The following SLC12A3 variants were observed in gnomAD, a reference collection of about 807,000 sequenced individuals.
SLC12A3 encodes the protein solute carrier family 12 member 3, also known as Na-Cl cotransporter.
Under a neutral mutation model 121.0 loss-of-function variants are expected in SLC12A3, and 104 were observed. The ratio of observed to expected loss-of-function variants is 0.86; its 90% CI spans 0.73 to 1.01. The LOEUF (loss-of-function observed/expected upper bound fraction) is 1.01. SLC12A3 is among the 50% of genes least tolerant of loss of function. The pLI, the probability that SLC12A3 is intolerant of heterozygous loss-of-function variation, is 0.00. For missense variants in SLC12A3, 1,328 were observed against 1,356.3 expected (o/e 0.98, Z 0.33); for synonymous variants, 536 against 533.4 (o/e 1.00, Z -0.07).
intron 16 of SLC12A3, 134 bp downstream of exon 16, chr16:56,886,609 T>G: frequency 1.2e-6 from 1 of 807,186 alleles, no homozygotes; most frequent in Non-Finnish European, 2.0e-6. Flanking sequence ...ACACAGCTCC[T>G]GGGGGAGTCG....
chr16:56,885,125 T>C (rs539194901), intron 14 of SLC12A3, 140 bp from the exon 15 acceptor site: 2 of 699,254 alleles, frequency 2.9e-6, no homozygotes, highest in South Asian at 3.0e-5. Context: ...CCTTGCAGGC[T>C]GCCCATCCCA....
At position 56,867,050 on chromosome 16, in the gene SLC12A3, T is replaced by C. The variant is rs534209103; in HGVS notation, c.283-20T>C. The C allele has an allele frequency of 1.2e-6, 2 of 1,609,808 alleles. No homozygotes were observed. The highest frequency in any genetic ancestry group is 3.3e-5 in the Admixed American group (2 of 60,016). On this transcript the variant is annotated intron_variant, in intron 1 of 25. Coordinates refer to ENST00000563236, the MANE Select transcript of SLC12A3 (RefSeq NM_001126108.2). ...CCCTAGCACCCCTACCTGCCTGACT[T>C]GTGGTCTCTGGGCTGCCAGCAGGAA...
chr16:56,866,976 G>C, intron 1 of SLC12A3, 94 bp from the exon 2 acceptor site: 1 of 1,547,684 alleles, frequency 6.5e-7, no homozygotes, highest in Non-Finnish European at 8.8e-7. Flanking sequence ...GGGGTGCTCG[G>C]TATGGGGCGC....
intron 24 of SLC12A3, among the ~76,000 whole-genome samples, chr16:56,903,639 T>A (rs1567447511): frequency 6.6e-6 from 1 of 152,150 alleles, no homozygotes; most frequent in Non-Finnish European, 1.5e-5. Context: ...TCCCTTCCCC[T>A]CGGTCTCTTG....
rs566155309 is a variant in SLC12A3, at chr16:56,884,453, C to G, written c.1825+249C>G. On this transcript the variant is annotated intron_variant, in intron 14 of 25. Transcript: ENST00000563236. ...CCCTGGAATCCCCTGTCCGAAGGAC[C>G]CTGAGTGAGCTTCCAGGGCCTGCTT... Among the ~76,000 whole-genome samples the G allele has an allele frequency of 5.3e-5, 8 of 152,336 alleles. No individual in the cohort carries two copies. The South Asian group carries it at 1.4e-3, about 28-fold the overall frequency.
At chr16:56,888,709 C>T (rs1251686672) in intron 18 of SLC12A3, among the ~76,000 whole-genome samples, 1 of 151,830 alleles carries the variant, frequency 6.6e-6, no homozygotes, top group Non-Finnish European at 1.5e-5. Context: ...CAGGCGCCCG[C>T]CACCACGCCC....
At chr16:56,865,699 A>G (rs1331722265) in intron 1 of SLC12A3, among the ~76,000 whole-genome samples, 182 bp downstream of exon 1, 5 of 152,228 alleles carry the variant, frequency 3.3e-5, no homozygotes, top group African/African-American at 1.2e-4. Flanking sequence ...GTTGGAATGT[A>G]TATTAGCCAA....
chr16:56,902,556 G>A (rs760175691), intron 24 of SLC12A3, 48 bp downstream of exon 24: 14 of 1,605,980 alleles, frequency 8.7e-6, no homozygotes, highest in Non-Finnish European at 1.1e-5. Context: ...ACTGGGTCAG[G>A]GACGGGTGTC....
At chr16:56,870,063 C>G (rs769064589) in intron 4 of SLC12A3, 33 bp from the exon 5 acceptor site, 24 of 1,609,978 alleles carry the variant, frequency 1.5e-5, no homozygotes, top group Non-Finnish European at 1.9e-5. Context: ...ACCGACTCAT[C>G]TGGTTTCATG....
chr16:56,888,800 C>T (rs1375418789), intron 18 of SLC12A3, among the ~76,000 whole-genome samples: 2 of 152,072 alleles, frequency 1.3e-5, no homozygotes, highest in Admixed American at 6.6e-5. Context: ...CCTCGTGATC[C>T]GCCCACCTCG....
intron 12 of SLC12A3, among the ~76,000 whole-genome samples, chr16:56,880,774 C>T (rs527585350): frequency 2.0e-5 from 3 of 152,158 alleles, no homozygotes; most frequent in African/African-American, 7.2e-5. Context: ...CCCAGGTAAT[C>T]GGTTCATTAG....
In SLC12A3 at chr16:56,902,523, GGGGGT is replaced by G; in HGVS notation, c.2856+19_2856+23del. On this transcript the variant is annotated intron_variant, in intron 24 of 25. Transcript: ENST00000563236. ...ACAGAGTCAAGGTGCAGAGAGGGGT[GGGGGT>G]GGGAAACGCGACACATCACTGGGTC... 1 of 1,585,582 alleles carries G rather than the reference GGGGGT, an allele frequency of 6.3e-7. No homozygotes were observed. Among genetic ancestry groups the G allele is most frequent in the Non-Finnish European group, 8.6e-7 (1 of 1,158,468 alleles).
In SLC12A3 at chr16:56,886,408, C is replaced by T. The variant is rs764452069; in HGVS notation, c.1970C>T (p.Ala657Val). Residue 657 changes from alanine (A) to valine (V), a missense_variant, in exon 16 of 26, where the codon GCC (alanine) becomes GTC (valine). Physicochemically the swap from Ala to Val is moderately conservative, Grantham distance 64. Coordinates refer to ENST00000563236, the MANE Select transcript of SLC12A3 (RefSeq NM_001126108.2). ...ACGGGGCCCCCCAACTTCCGCCCGG[C>T]CCTGGTGGACTTTGTGGGCACCTTC... Reference protein sequence around the residue: ...VLTGPPNFRPALVDFVGTFTR... With the variant: ...VLTGPPNFRPVLVDFVGTFTR... The T allele has an allele frequency of 6.2e-7, 1 of 1,614,124 alleles. No individual in the cohort carries two copies. The highest frequency in any genetic ancestry group is 8.5e-7 in the Non-Finnish European group (1 of 1,180,034).
chr16:56,902,072 T>G, intron 23 of SLC12A3: 2 of 423,688 alleles, frequency 4.7e-6, no homozygotes, highest in Non-Finnish European at 4.4e-6. Context: ...CACAATCTGA[T>G]TTGTTCACTG....
chr16:56,881,355 C>G, intron 12 of SLC12A3, among the ~76,000 whole-genome samples: 1 of 152,146 alleles, frequency 6.6e-6, no homozygotes. Flanking sequence ...CTTGATGTTC[C>G]CCGGCCCCGT....
chr16:56,872,683 C>T lies in SLC12A3; in HGVS notation c.992C>T (p.Pro331Leu). The T allele has an allele frequency of 6.2e-7, 1 of 1,614,262 alleles. No homozygotes were observed. Among genetic ancestry groups the T allele is most frequent in the South Asian group, 1.1e-5 (1 of 91,092 alleles). The change falls in exon 8 of 26, where the codon CCT (proline) becomes CTT (leucine). Residue 331 changes from proline (P) to leucine (L), a missense_variant. By Grantham distance (98) the Pro-to-Leu change is moderately conservative. Transcript: ENST00000563236. ...GACATTTTTGTCCAGAACTTGGTGC[C>T]TGACTGGCGGGGTCCAGATGGCACC... Reference protein sequence around the residue: ...RADIFVQNLVPDWRGPDGTFF... With the variant: ...RADIFVQNLVLDWRGPDGTFF...
intron 5 of SLC12A3, 110 bp downstream of exon 5, chr16:56,870,345 C>T (rs2144690156): frequency 8.4e-7 from 1 of 1,188,936 alleles, no homozygotes; most frequent in Non-Finnish European, 1.2e-6. Context: ...CTTCACCCAT[C>T]AGGAACCACA....
chr16:56,890,261 C>T lies in SLC12A3; in HGVS notation c.2286-13C>T. The T allele has an allele frequency of 1.9e-6, 3 of 1,610,846 alleles. No homozygotes were observed. Among genetic ancestry groups the T allele is most frequent in the Non-Finnish European group, 2.5e-6 (3 of 1,177,032 alleles). On this transcript the variant is annotated splice_polypyrimidine_tract_variant and intron_variant, in intron 18 of 25. Coordinates refer to ENST00000563236, the MANE Select transcript of SLC12A3 (RefSeq NM_001126108.2). ...CTGGGGGAGAAGCTGGACCTCACCTCCTCTCTTTCCAGTGATGCCTTTGAT... is the reference window on the plus strand; with the variant it reads ...CTGGGGGAGAAGCTGGACCTCACCTTCTCTCTTTCCAGTGATGCCTTTGAT...
chr16:56,877,640 CG>C (rs1174549549), intron 8 of SLC12A3, among the ~76,000 whole-genome samples: 1 of 152,152 alleles, frequency 6.6e-6, no homozygotes, highest in East Asian at 1.9e-4. Context: ...GATGAGGGGC[CG>C]GGGTGTGAGA....
Sources: gnomAD v4.1 joint callset for allele counts (sites outside exome capture counted in the v4.1 genomes callset) on GRCh38, gnomAD v4.1.1 for gene constraint, MANE v1.5 for transcripts, NCBI Gene and HGNC (gene_info 2026-07-23, HGNC 2026-07-21) for gene names.